Variants in PSMD9 observed in about 807,000 individuals in gnomAD.
PSMD9 encodes the protein 26S proteasome non-ATPase regulatory subunit 9.
PSMD9 carries 26 observed loss-of-function variants against 25.9 expected under a neutral mutation model. The observed-to-expected ratio is 1.00, with a 90% CI of 0.73 to 1.39. The LOEUF (loss-of-function observed/expected upper bound fraction) is 1.39. PSMD9 is among the 40% of genes most tolerant of loss of function. The pLI, the probability that PSMD9 is intolerant of heterozygous loss-of-function variation, is 0.00. For synonymous variants in PSMD9, 110 were observed against 114.5 expected (o/e 0.96, Z 0.25); for missense variants, 303 against 299.3 (o/e 1.01, Z -0.09).
intron 5 of PSMD9, 115 bp downstream of exon 5, chr12:121,916,059 G>A: frequency 8.1e-7 from 1 of 1,238,052 alleles, no homozygotes; most frequent in African/African-American, 1.5e-5. Context: ...TCCCCAGTTT[G>A]CATGGAAACT....
At position 121,915,935 on chromosome 12, in the gene PSMD9, G is replaced by A; in HGVS notation, c.635G>A (p.Gly212Glu). ...GTTCCAACACGCTGGGCAGGAAAAG[G>A]ACTGCTGGGGTAAAGTATCTGTTTC... ...RLVPTRWAGK[G>E]LLGCNIIPLQ... The change falls in exon 5 of 6, where the codon GGA becomes GAA. Residue 212 changes from glycine to glutamate, a missense_variant. Transcript: ENST00000541212. 1 of 1,613,636 alleles carries A rather than the reference G, an allele frequency of 6.2e-7. No individual in the cohort carries two copies. Among genetic ancestry groups the A allele is most frequent in the South Asian group, 1.1e-5 (1 of 91,006 alleles).
intron 4 of PSMD9, chr12:121,914,218 G>A (rs1273801274): frequency 3.3e-5 from 5 of 151,502 alleles, no homozygotes. Flanking sequence ...TTTTTGGTAT[G>A]TACTCCCCCT....
intron 4 of PSMD9, among the ~76,000 whole-genome samples, chr12:121,913,014 G>A (rs1260167984): frequency 2.0e-5 from 3 of 147,458 alleles, no homozygotes; most frequent in South Asian, 2.1e-4. Flanking sequence ...TCGGCTCACT[G>A]CAAACTCCGC....
chr12:121,892,278 C>T (rs1879106871), intron 1 of PSMD9, among the ~76,000 whole-genome samples: 1 of 152,070 alleles, frequency 6.6e-6, no homozygotes, highest in African/African-American at 2.4e-5. Flanking sequence ...TACAAATGGT[C>T]AATGGCCAGG....
At chr12:121,906,747 G>C (rs1383206026) in intron 4 of PSMD9, among the ~76,000 whole-genome samples, 1 of 151,760 alleles carries the variant, frequency 6.6e-6, no homozygotes, top group Admixed American at 6.6e-5. Context: ...CTCGGAGGCA[G>C]AGGTTGCAGT....
chr12:121,909,362 G>T (rs909378615), intron 4 of PSMD9, among the ~76,000 whole-genome samples: 1 of 151,152 alleles, frequency 6.6e-6, no homozygotes, highest in African/African-American at 2.4e-5. Context: ...TGCCCAGGCT[G>T]GAGTGCAGTG....
intron 1 of PSMD9, among the ~76,000 whole-genome samples, chr12:121,891,323 G>A (rs1157799330): frequency 2.8e-5 from 4 of 140,668 alleles, no homozygotes; most frequent in African/African-American, 7.7e-5. Flanking sequence ...AAAAAAGGCC[G>A]GGTGCGGTGG....
intron 4 of PSMD9, chr12:121,915,399 A>G (rs1879866620): frequency 6.5e-6 from 1 of 153,940 alleles, no homozygotes; most frequent in East Asian, 1.9e-4. Context: ...GTTTTGACTA[A>G]AACCCTTCAT....
chr12:121,913,874 G>A (rs189936804), intron 4 of PSMD9, among the ~76,000 whole-genome samples: 7 of 151,670 alleles, frequency 4.6e-5, no homozygotes, highest in Admixed American at 4.6e-4. Context: ...AGAAGTTTTA[G>A]ATTTTGATGG....
At position 121,899,836 on chromosome 12, in the gene PSMD9, C is replaced by T. The variant is rs1024583593; in HGVS notation, c.444C>T (p.Ala148=). The part of the protein sequence containing the change: ...KVNSISPGSP[A]SIAGLQVDDE... ...ACAGCATCAGCCCCGGCTCCCCAGCCAGCATCGCGGTAATCCAGGGGTTGG... is the reference window on the plus strand; with the variant it reads ...ACAGCATCAGCCCCGGCTCCCCAGCTAGCATCGCGGTAATCCAGGGGTTGG... The change falls in exon 3 of 6, where the codon GCC becomes GCT. Residue 148 remains alanine, a synonymous_variant. Coordinates refer to ENST00000541212, the MANE Select transcript of PSMD9 (RefSeq NM_002813.7). 5.6e-6 allele frequency: 9 copies of T among 1,613,808 alleles called. No homozygotes were observed. Among genetic ancestry groups the T allele is most frequent in the African/African-American group, 1.3e-5 (1 of 74,918 alleles).
chr12:121,901,235 A>G lies in PSMD9; in HGVS notation c.453+1390A>G, dbSNP rs181873623. ...ACCCAGTTATCTACTTTCTGTCTCT[A>G]TGTATTTGTCTATTCTGGATATTTC... On this transcript the variant is annotated intron_variant, in intron 3 of 5. Coordinates refer to ENST00000541212, the MANE Select transcript of PSMD9 (RefSeq NM_002813.7). 1.2e-4 allele frequency among the ~76,000 whole-genome samples: 19 copies of G among 152,162 alleles called. No homozygotes were observed. In the East Asian group the frequency reaches 3.7e-3, roughly 29 times the overall value.
chr12:121,891,628 G>A (rs1374882883), intron 1 of PSMD9, among the ~76,000 whole-genome samples: 1 of 150,990 alleles, frequency 6.6e-6, no homozygotes, highest in Non-Finnish European at 1.5e-5. Context: ...AAAAAAGACT[G>A]GGCATGGTGG....
chr12:121,905,659 C>A (rs902313346), intron 4 of PSMD9, among the ~76,000 whole-genome samples: 2 of 151,768 alleles, frequency 1.3e-5, no homozygotes, highest in East Asian at 3.9e-4. Context: ...TCCCAAGTAG[C>A]TGGGATTATA....
At chr12:121,910,806 T>C (rs1347404512) in intron 4 of PSMD9, 7 of 344,190 alleles carry the variant, frequency 2.0e-5, no homozygotes, top group Middle Eastern at 7.8e-4. Context: ...ATCTACACTT[T>C]AGTGGCATTA....
intron 1 of PSMD9, among the ~76,000 whole-genome samples, chr12:121,891,470 A>G (rs1301182111): frequency 2.0e-5 from 3 of 150,730 alleles, no homozygotes; most frequent in Non-Finnish European, 4.4e-5. Context: ...CGTGGTGGCC[A>G]GCGCCTGTAG....
chr12:121,902,965 G>T, intron 3 of PSMD9, 41 bp from the exon 4 acceptor site: 1 of 1,530,134 alleles, frequency 6.5e-7, no homozygotes, highest in South Asian at 1.1e-5. Context: ...GGAGCACACT[G>T]AACCTCTAGC....
At position 121,902,997 on chromosome 12, in the gene PSMD9, C is replaced by A. The variant is rs929883876; in HGVS notation, c.454-9C>A. 1.2e-6 allele frequency: 2 copies of A among 1,612,394 alleles called. No individual in the cohort carries two copies. The highest frequency in any genetic ancestry group is 1.7e-6 in the Non-Finnish European group (2 of 1,178,562). On this transcript the variant is annotated splice_polypyrimidine_tract_variant and intron_variant, in intron 3 of 5. Transcript: ENST00000541212. The stretch of plus-strand genomic sequence containing the variant: ...TAGCCTGATTTTCCATTTTTCCTTC[C>A]CTCTCCAGGGTCTGCAAGTGGATGA...
At position 121,899,744 on chromosome 12, in the gene PSMD9, G is replaced by A. The variant is rs759774632; in HGVS notation, c.352G>A (p.Glu118Lys). The A allele has an allele frequency of 1.2e-6, 2 of 1,614,004 alleles. No homozygotes were observed. Among genetic ancestry groups the A allele is most frequent in the African/African-American group, 2.7e-5 (2 of 74,924 alleles). Residue 118 changes from glutamate (E) to lysine (K), a missense_variant, in exon 3 of 6, where the codon GAG becomes AAG. Physicochemically the swap from Glu to Lys is moderately conservative, Grantham distance 56 (BLOSUM62 1). Transcript: ENST00000541212. The stretch of plus-strand genomic sequence containing the variant: ...CCGGGACATGGCTGAGGCCCACAAA[G>A]AGGCCATGAGCCGCAAACTGGGTCA... ...QARDMAEAHK[E>K]AMSRKLGQSE...
chr12:121,899,826 G>C lies in PSMD9; in HGVS notation c.434G>C (p.Gly145Ala). Residue 145 changes from glycine to alanine, a missense_variant, in exon 3 of 6, where the codon GGC (glycine) becomes GCC (alanine). Coordinates refer to ENST00000541212, the MANE Select transcript of PSMD9 (RefSeq NM_002813.7). ...AFAKVNSISP[G>A]SPASIAGLQV... is the part of the protein sequence containing the mutation. ...GCCAAAGTGAACAGCATCAGCCCCGGCTCCCCAGCCAGCATCGCGGTAATC... is the reference window on the plus strand; with the variant it reads ...GCCAAAGTGAACAGCATCAGCCCCGCCTCCCCAGCCAGCATCGCGGTAATC... 1 of 1,614,004 alleles carries C rather than the reference G, an allele frequency of 6.2e-7. No individual in the cohort carries two copies. The highest frequency in any genetic ancestry group is 8.5e-7 in the Non-Finnish European group (1 of 1,179,906).
Sources: gnomAD v4.1 joint callset for allele counts (sites outside exome capture counted in the v4.1 genomes callset) on GRCh38, gnomAD v4.1.1 for gene constraint, MANE v1.5 for transcripts, NCBI Gene and HGNC (gene_info 2026-07-23, HGNC 2026-07-21) for gene names.